Variants in FARS2 observed in about 807,000 individuals in gnomAD.
FARS2 encodes phenylalanine--tRNA ligase, mitochondrial.
FARS2 carries 40 observed loss-of-function variants against 46.4 expected under a neutral mutation model. That is an observed-to-expected ratio of 0.86 (90% CI 0.67 to 1.12). FARS2 has a LOEUF of 1.12. Among genes scored for constraint, FARS2 ranks in the 50% most tolerant of loss-of-function variants. The pLI is 0.00. For synonymous variants in FARS2, 234 were observed against 214.9 expected (o/e 1.09, Z -0.78); for missense variants, 513 against 567.9 (o/e 0.90, Z 0.98).
intron 4 of FARS2, among the ~76,000 whole-genome samples, chr6:5,515,879 T>A (rs1768754773): frequency 6.6e-6 from 1 of 152,240 alleles, no homozygotes; most frequent in South Asian, 2.1e-4. Flanking sequence ...GGTTTACGTT[T>A]AGTAATTTAT....
rs10900967 is a variant in FARS2, at chr6:5,431,727, A to G, written c.904+555A>G. The G allele has an allele frequency of 0.42, 220,319 of 528,700 alleles. 47,494 individuals are homozygous for G. Among genetic ancestry groups the G allele is most frequent in the Non-Finnish European group, 0.46 (118,347 of 257,780 alleles). The allele number at this position is 528,700 out of a possible 1,614,324, so 32.8% of individuals were successfully genotyped here. A position where few individuals can be genotyped will look rare whatever the true frequency, so the allele number is the denominator to read the frequency against. On this transcript the variant is annotated intron_variant, in intron 4 of 6. Coordinates refer to ENST00000274680, the MANE Select transcript of FARS2 (RefSeq NM_006567.5). ...CGAGGTTGCTGATTGAATTCTACGC[A>G]TATCTATAGGCATTTCAGAAAGATC...
chr6:5,689,813 A>G (rs937947901), intron 6 of FARS2, among the ~76,000 whole-genome samples: 2 of 152,102 alleles, frequency 1.3e-5, no homozygotes, highest in East Asian at 1.9e-4. Flanking sequence ...AAAGTCTCCC[A>G]TTATTATTGT....
intron 4 of FARS2, among the ~76,000 whole-genome samples, chr6:5,493,138 G>A (rs1767227066): frequency 6.6e-6 from 1 of 151,360 alleles, no homozygotes; most frequent in African/African-American, 2.4e-5. Flanking sequence ...GAACCTGGAA[G>A]GTGGAGGTTG....
In FARS2 at chr6:5,350,169, ATTT is replaced by A. The variant is rs57211565; in HGVS notation, c.-21-18364_-21-18362del. The stretch of plus-strand genomic sequence containing the variant: ...TGGTGTGCACCACCATGCCTGGCAA[ATTT>A]TTTTTTTTTTTTTTTTGTAGAGTTG... On this transcript the variant is annotated intron_variant, in intron 1 of 6. Coordinates refer to ENST00000274680, the MANE Select transcript of FARS2 (RefSeq NM_006567.5). 4.7e-3 allele frequency among the ~76,000 whole-genome samples: 621 copies of A among 131,656 alleles called. 2 individuals are homozygous for A. Among genetic ancestry groups the A allele is most frequent in the African/African-American group, 0.015 (521 of 34,568 alleles). 86.4% of individuals were successfully genotyped at this position (131,656 alleles called of 152,430 possible). A position where few individuals can be genotyped will look rare whatever the true frequency, so the allele number is the denominator to read the frequency against.
intron 6 of FARS2, among the ~76,000 whole-genome samples, chr6:5,650,933 A>G (rs1001912445): frequency 6.6e-6 from 1 of 152,266 alleles, no homozygotes; most frequent in Admixed American, 6.5e-5. Flanking sequence ...GCGAGCTTCC[A>G]CCAATTATTC....
At chr6:5,672,578 CAAAGT>C (rs1277313341) in intron 6 of FARS2, among the ~76,000 whole-genome samples, 1 of 152,144 alleles carries the variant, frequency 6.6e-6, no homozygotes, top group African/African-American at 2.4e-5. Context: ...ATTCTGGTCT[CAAAGT>C]AAAGATTTAG....
intron 4 of FARS2, among the ~76,000 whole-genome samples, chr6:5,465,618 C>T (rs1282758767): frequency 1.3e-5 from 2 of 152,206 alleles, no homozygotes; most frequent in African/African-American, 2.4e-5. Context: ...CTCTAATTCT[C>T]AACCCAGTGT....
Position 5,545,286 on chromosome 6 carries a change from G to A in FARS2, c.1011G>A (p.Glu337=), listed in dbSNP as rs932539318. The change falls in exon 5 of 7, where the codon GAG becomes GAA. Residue 337 remains glutamate, a synonymous_variant. Transcript: ENST00000274680. ...TCCGTCTCTTCTGGTGTGAGGACGA[G>A]CGCTTCCTGAAGCAGTTCTGTGTAT... ...PDIRLFWCED[E]RFLKQFCVSN... is the part of the protein sequence containing the mutation. 3.1e-6 allele frequency: 5 copies of A among 1,613,986 alleles called. No homozygotes were observed. The highest frequency in any genetic ancestry group is 4.2e-6 in the Non-Finnish European group (5 of 1,179,974).
At chr6:5,747,704 G>A (rs1012421493) in intron 6 of FARS2, among the ~76,000 whole-genome samples, 3 of 152,210 alleles carry the variant, frequency 2.0e-5, no homozygotes, top group African/African-American at 4.8e-5. Flanking sequence ...AGTGAGGATC[G>A]GAGGGTTCAG....
intron 4 of FARS2, among the ~76,000 whole-genome samples, chr6:5,441,588 C>T (rs1763846567): frequency 6.6e-6 from 1 of 152,056 alleles, no homozygotes; most frequent in Non-Finnish European, 1.5e-5. Flanking sequence ...AGTTTTAGTT[C>T]TTTTGTTTTT....
intron 4 of FARS2, among the ~76,000 whole-genome samples, chr6:5,543,253 T>C (rs995471665): frequency 2.0e-5 from 3 of 152,158 alleles, no homozygotes; most frequent in African/African-American, 4.8e-5. Context: ...GTTTCACTTA[T>C]AATGAAGCCT....
intron 4 of FARS2, among the ~76,000 whole-genome samples, chr6:5,434,253 A>G (rs947424607): frequency 1.3e-5 from 2 of 152,080 alleles, no homozygotes; most frequent in Admixed American, 1.3e-4. Context: ...CTGGGATTAC[A>G]TGCACCCTCC....
At chr6:5,436,258 G>A (rs537151174) in intron 4 of FARS2, among the ~76,000 whole-genome samples, 1 of 152,262 alleles carries the variant, frequency 6.6e-6, no homozygotes, top group African/African-American at 2.4e-5. Context: ...TGCAAGGAGG[G>A]ATATACTTTC....
intron 6 of FARS2, among the ~76,000 whole-genome samples, chr6:5,683,145 AG>A (rs1447107444): frequency 6.6e-6 from 1 of 152,098 alleles, no homozygotes; most frequent in African/African-American, 2.4e-5. Context: ...ACTTATTGAG[AG>A]AATGGACTGT....
chr6:5,438,239 A>AC (rs1182394280), intron 4 of FARS2, among the ~76,000 whole-genome samples: 5 of 52,692 alleles, frequency 9.5e-5, no homozygotes, highest in South Asian at 1.0e-3. Context: ...GCTTCTACCC[A>AC]CCCCCCGCCC....
chr6:5,678,745 G>A (rs1034145674), intron 6 of FARS2, among the ~76,000 whole-genome samples: 3 of 152,184 alleles, frequency 2.0e-5, no homozygotes, highest in Non-Finnish European at 4.4e-5. Flanking sequence ...GAAGCTAGGA[G>A]GGAAACACCC....
At position 5,510,712 on chromosome 6, in the gene FARS2, A is replaced by T. The variant is rs544281004; in HGVS notation, c.905-34468A>T. On this transcript the variant is annotated intron_variant, in intron 4 of 6. Transcript: ENST00000274680. ...GAGTGCTGACACAGTGATGAGCTTG[A>T]CCCCATATGTAGTAGAACGGGTTCC... 1.4e-4 allele frequency among the ~76,000 whole-genome samples: 22 copies of T among 152,076 alleles called. No individual in the cohort carries two copies. The South Asian group carries it at 4.6e-3, about 32-fold the overall frequency.
intron 6 of FARS2, among the ~76,000 whole-genome samples, chr6:5,677,932 C>T (rs1338969058): frequency 1.3e-5 from 2 of 152,004 alleles, no homozygotes; most frequent in Non-Finnish European, 1.5e-5. Flanking sequence ...ATGCAGATGG[C>T]AACAATGAAA....
chr6:5,431,627 C>T (rs1366729794), intron 4 of FARS2: 2 of 532,250 alleles, frequency 3.8e-6, no homozygotes, highest in Admixed American at 3.9e-5. Flanking sequence ...TGTAAAAACA[C>T]TTAGGCCCCT....
Sources: gnomAD v4.1 joint callset for allele counts (sites outside exome capture counted in the v4.1 genomes callset) on GRCh38, gnomAD v4.1.1 for gene constraint, MANE v1.5 for transcripts, NCBI Gene and HGNC (gene_info 2026-07-23, HGNC 2026-07-21) for gene names.